Variants in TGFBRAP1 observed in about 807,000 individuals in gnomAD.
TGFBRAP1 encodes the protein transforming growth factor beta receptor associated protein 1.
In TGFBRAP1, 20 loss-of-function variants were observed where a neutral mutation model predicts 83.2. The ratio of observed to expected loss-of-function variants is 0.24; its 90% confidence interval spans 0.17 to 0.35. The LOEUF (loss-of-function observed/expected upper bound fraction) is 0.35, where lower values mean the gene tolerates loss of function less well. Ranked by LOEUF, TGFBRAP1 falls within the 10% of genes least tolerant of loss-of-function variation. The pLI, the probability that TGFBRAP1 is intolerant of heterozygous loss-of-function variation, is 1.00. For missense variants in TGFBRAP1, 950 were observed against 1,099.4 expected, an observed-to-expected ratio of 0.86 and a Z score of 1.92; for synonymous variants, 415 against 459.8, an observed-to-expected ratio of 0.90 and a Z score of 1.25.
chr2:105,298,126 G>C (rs1678145288), intron 3 of TGFBRAP1, among the ~76,000 whole-genome samples: 2 of 152,044 alleles, frequency 1.3e-5, no homozygotes, highest in Admixed American at 1.3e-4. Flanking sequence ...GTACCCTCTT[G>C]AACAGATTCG....
At chr2:105,295,675 G>A (rs1183804235) in intron 4 of TGFBRAP1, among the ~76,000 whole-genome samples, 2 of 151,908 alleles carry the variant, frequency 1.3e-5, no homozygotes, top group Non-Finnish European at 2.9e-5. Flanking sequence ...GCTGGGTGTG[G>A]TGGCGGGCGC....
chr2:105,303,261 T>G (rs1209580579), intron 2 of TGFBRAP1, among the ~76,000 whole-genome samples: 1 of 152,162 alleles, frequency 6.6e-6, no homozygotes, highest in Non-Finnish European at 1.5e-5. Flanking sequence ...AAGACCTCGT[T>G]TCTAAAAGAA....
chr2:105,305,586 CAG>C (rs1678468117), intron 2 of TGFBRAP1, among the ~76,000 whole-genome samples: 1 of 152,176 alleles, frequency 6.6e-6, no homozygotes, highest in Admixed American at 6.5e-5. Flanking sequence ...CAGGACATAA[CAG>C]AGAGAAAATG....
intron 1 of TGFBRAP1, among the ~76,000 whole-genome samples, chr2:105,326,791 TTAAA>T (rs1679236657): frequency 6.6e-6 from 1 of 152,190 alleles, no homozygotes; most frequent in Non-Finnish European, 1.5e-5. Context: ...GTTGTCATCT[TTAAA>T]TATGTGATTT....
intron 7 of TGFBRAP1, among the ~76,000 whole-genome samples, chr2:105,276,959 G>A (rs973248474): frequency 1.1e-4 from 17 of 152,268 alleles, no homozygotes; most frequent in Middle Eastern, 3.4e-3. Context: ...GAAACAACAC[G>A]GTGCAGTACA....
At chr2:105,270,557 T>C (rs1677120052) in intron 10 of TGFBRAP1, among the ~76,000 whole-genome samples, 1 of 152,224 alleles carries the variant, frequency 6.6e-6, no homozygotes, top group Admixed American at 6.5e-5. Flanking sequence ...TGTGAAGAAA[T>C]ATTATGAGGA....
At chr2:105,261,108 C>G (rs995514472), downstream of TGFBRAP1, among the ~76,000 whole-genome samples, 3 of 152,158 alleles carry the variant, frequency 2.0e-5, no homozygotes, top group African/African-American at 2.4e-5. Context: ...TATTAAAAAA[C>G]AGTTTGGAAA....
chr2:105,276,014 T>A (rs1677331035), intron 7 of TGFBRAP1, among the ~76,000 whole-genome samples: 1 of 152,132 alleles, frequency 6.6e-6, no homozygotes, highest in South Asian at 2.1e-4. Flanking sequence ...AAATGTTTCT[T>A]CATGAAATAA....
At chr2:105,320,888 C>G (rs548861647) in intron 1 of TGFBRAP1, among the ~76,000 whole-genome samples, 2 of 152,312 alleles carry the variant, frequency 1.3e-5, no homozygotes, top group South Asian at 4.1e-4. Context: ...TTACCATTAA[C>G]TACAGTGGTG....
chr2:105,264,417 A>G lies in TGFBRAP1; in HGVS notation c.*2966T>C, dbSNP rs1228222980. The G allele has an allele frequency of 1.3e-5, 2 of 152,278 alleles. No individual in the cohort carries two copies. Among genetic ancestry groups the G allele is most frequent in the Non-Finnish European group, 2.9e-5 (2 of 68,050 alleles). 9.4% of individuals were successfully genotyped at this position (152,278 alleles called of 1,614,324 possible). ...TGGTGCGAGTGAAAACCATCACTCC[A>G]TCAAGGCAATTTTTATTTTAAAAAA... On this transcript the variant is annotated 3_prime_UTR_variant, in exon 12 of 12. Coordinates refer to ENST00000393359, the MANE Select transcript of TGFBRAP1 (RefSeq NM_004257.6).
At chr2:105,301,536 G>A (rs1158697137) in intron 2 of TGFBRAP1, among the ~76,000 whole-genome samples, 1 of 152,172 alleles carries the variant, frequency 6.6e-6, no homozygotes, top group Non-Finnish European at 1.5e-5. Context: ...GCAGTGAGCC[G>A]AGATTGTGCC....
In TGFBRAP1 at chr2:105,284,179, G is replaced by C. The variant is rs1011789380; in HGVS notation, c.1121+137C>G. 7 of 755,630 alleles carry C rather than the reference G, an allele frequency of 9.3e-6. 1 individual carries two copies. In the Admixed American group the frequency reaches 1.1e-4, roughly 12 times the overall value. 46.8% of individuals were successfully genotyped at this position (755,630 alleles called of 1,614,324 possible). A position where few individuals can be genotyped will look rare whatever the true frequency, so the allele number is the denominator to read the frequency against. On this transcript the variant is annotated intron_variant, in intron 5 of 11. Transcript: ENST00000393359. ...CAGCATTGGCGGGGTCTGCTGTCAC[G>C]AGCTACCCCCACCGTATCCACCTGA...
At chr2:105,271,182 C>T (rs1677143922) in intron 10 of TGFBRAP1, among the ~76,000 whole-genome samples, 1 of 152,226 alleles carries the variant, frequency 6.6e-6, no homozygotes, top group South Asian at 2.1e-4. Context: ...TGTACCTGCC[C>T]TTAACTGCAT....
Position 105,275,643 on chromosome 2 carries a change from A to G in TGFBRAP1, c.1582T>C (p.Tyr528His). 1 of 1,614,230 alleles carries G rather than the reference A, an allele frequency of 6.2e-7. No homozygotes were observed. Among genetic ancestry groups the G allele is most frequent in the Non-Finnish European group, 8.5e-7 (1 of 1,180,042 alleles). The change falls in exon 8 of 12, where the codon TAC (tyrosine) becomes CAC (histidine). Residue 528 changes from tyrosine to histidine, a missense_variant. By Grantham distance (83) the Tyr-to-His change is moderately conservative. Coordinates refer to ENST00000393359, the MANE Select transcript of TGFBRAP1 (RefSeq NM_004257.6). ...CAGTAGGTAAGAAAATCCACGATGT[A>G]TTCATACAGGTCTGAGCGTGTGGAG... ...QDSTRSDLYEYIVDFLTYCLD... is the reference protein window; with the variant it reads ...QDSTRSDLYEHIVDFLTYCLD...
At chr2:105,282,919 T>C (rs953317891) in intron 5 of TGFBRAP1, among the ~76,000 whole-genome samples, 3 of 151,260 alleles carry the variant, frequency 2.0e-5, no homozygotes, top group African/African-American at 7.3e-5. Context: ...GAGAGTGAGG[T>C]GCGGAAGTAC....
chr2:105,282,072 C>T (rs531176317), intron 5 of TGFBRAP1, among the ~76,000 whole-genome samples: 55 of 152,304 alleles, frequency 3.6e-4, no homozygotes, highest in African/African-American at 1.2e-3. Flanking sequence ...AGATCCAGGA[C>T]GAATCCAGGG....
At chr2:105,295,045 A>C (rs1411913486) in intron 4 of TGFBRAP1, among the ~76,000 whole-genome samples, 6 of 152,158 alleles carry the variant, frequency 3.9e-5, no homozygotes, top group African/African-American at 1.4e-4. Flanking sequence ...AGGGCACAAG[A>C]AGCTCAGCAG....
At chr2:105,288,747 A>T (rs540700004) in intron 4 of TGFBRAP1, among the ~76,000 whole-genome samples, 2 of 152,242 alleles carry the variant, frequency 1.3e-5, no homozygotes, top group African/African-American at 4.8e-5. Flanking sequence ...GAAATATATT[A>T]GGTGGAACAT....
intron 2 of TGFBRAP1, among the ~76,000 whole-genome samples, chr2:105,301,272 C>T (rs948097384): frequency 2.6e-5 from 4 of 151,680 alleles, no homozygotes; most frequent in African/African-American, 9.7e-5. Flanking sequence ...TGAATGTATT[C>T]CTTACACTCT....
Sources: gnomAD v4.1 joint callset for allele counts (sites outside exome capture counted in the v4.1 genomes callset) on GRCh38, gnomAD v4.1.1 for gene constraint, MANE v1.5 for transcripts, NCBI Gene and HGNC (gene_info 2026-07-23, HGNC 2026-07-21) for gene names.